SGCD: variants seen among roughly 807,000 people sequenced by gnomAD.
SGCD encodes the protein sarcoglycan delta, also known as delta-sarcoglycan.
Under a neutral mutation model 36.6 loss-of-function variants are expected in SGCD, and 18 were observed. That is an observed-to-expected ratio of 0.49 (90% CI 0.34 to 0.73). The LOEUF (loss-of-function observed/expected upper bound fraction) is 0.73. Among genes scored for constraint, SGCD ranks in the 30% least tolerant of loss-of-function variants. The probability of loss-of-function intolerance (pLI) is 0.01; values close to 1 mark genes in which losing one functional copy is unlikely to be tolerated. For synonymous variants in SGCD, 133 were observed against 130.6 expected (o/e 1.02, Z -0.12); for missense variants, 387 against 346.7 (o/e 1.12, Z -0.92).
chr5:156,479,526 G>A lies in SGCD; in HGVS notation c.193-29075G>A, dbSNP rs533003030. Among the ~76,000 whole-genome samples the A allele has an allele frequency of 1.1e-3, 172 of 152,230 alleles. 1 individual carries two copies. The highest frequency in any genetic ancestry group is 3.9e-3 in the African/African-American group (164 of 41,524). ...AAGCTCATGGGCCCAACCTCTGTAG[G>A]CATTTGAGTTTGGGACCCCTGTCTT... On this transcript the variant is annotated intron_variant, in intron 3 of 8. Transcript: ENST00000337851.
chr5:156,433,148 G>A (rs1032356426), intron 3 of SGCD, among the ~76,000 whole-genome samples: 2 of 152,148 alleles, frequency 1.3e-5, no homozygotes, highest in Admixed American at 6.5e-5. Context: ...TTTTTACATT[G>A]CAATCAGTTT....
chr5:156,310,695 A>G (rs1767370524), intron 3 of SGCD, among the ~76,000 whole-genome samples: 1 of 152,274 alleles, frequency 6.6e-6, no homozygotes, highest in Non-Finnish European at 1.5e-5. Flanking sequence ...ATCTTTCTCT[A>G]TTTATTTTTG....
At chr5:156,389,785 A>T (rs1771467976) in intron 3 of SGCD, among the ~76,000 whole-genome samples, 1 of 152,304 alleles carries the variant, frequency 6.6e-6, no homozygotes, top group Non-Finnish European at 1.5e-5. Flanking sequence ...CTGAATCCAG[A>T]TTTCATGTGA....
chr5:156,551,355 T>C (rs1296594145), intron 4 of SGCD, among the ~76,000 whole-genome samples: 1 of 151,916 alleles, frequency 6.6e-6, no homozygotes, highest in Non-Finnish European at 1.5e-5. Flanking sequence ...GTCTATCTCA[T>C]CACAACCCTT....
the SGCD span, among the ~76,000 whole-genome samples, chr5:155,804,579 C>T: frequency 6.6e-6 from 1 of 152,208 alleles, no homozygotes; most frequent in South Asian, 2.1e-4. Context: ...AGGATAGACT[C>T]AGGTTGTGCA....
intron 3 of SGCD, among the ~76,000 whole-genome samples, chr5:156,216,929 A>C (rs374480919): frequency 1.3e-5 from 2 of 152,230 alleles, no homozygotes; most frequent in East Asian, 3.9e-4. Flanking sequence ...AAATACAAAA[A>C]TTAGGCAAGC....
intron 1 of SGCD, among the ~76,000 whole-genome samples, chr5:156,038,221 A>T (rs1453838160): frequency 6.6e-6 from 1 of 152,150 alleles, no homozygotes. Flanking sequence ...CATTAGATAG[A>T]TCCTAAGGCA....
At chr5:155,767,463 G>A in the SGCD span, among the ~76,000 whole-genome samples, 4 of 152,150 alleles carry the variant, frequency 2.6e-5, no homozygotes, top group Non-Finnish European at 4.4e-5. Flanking sequence ...TCTGCTTACC[G>A]ATAATATGCT....
the SGCD span, among the ~76,000 whole-genome samples, chr5:155,817,747 TA>T: frequency 2.0e-5 from 3 of 152,220 alleles, no homozygotes; most frequent in East Asian, 1.9e-4. Context: ...TCTTAATACA[TA>T]AAAAAATAAG....
the SGCD span, among the ~76,000 whole-genome samples, chr5:155,734,297 C>A: frequency 6.6e-6 from 1 of 151,740 alleles, no homozygotes; most frequent in East Asian, 1.9e-4. Flanking sequence ...CATCCACCTC[C>A]TGGGTCAAAC....
chr5:156,516,949 G>A (rs1343037404), intron 4 of SGCD, among the ~76,000 whole-genome samples: 1 of 152,112 alleles, frequency 6.6e-6, no homozygotes, highest in African/African-American at 2.4e-5. Flanking sequence ...AGTCAGCCGA[G>A]CTCACACCAC....
chr5:156,371,653 A>G (rs1770393304), intron 3 of SGCD, among the ~76,000 whole-genome samples: 1 of 152,196 alleles, frequency 6.6e-6, no homozygotes, highest in Non-Finnish European at 1.5e-5. Context: ...CTTTAGAACC[A>G]CGTTTGTGAT....
At chr5:155,905,888 G>T (rs373304297) in intron 1 of SGCD, among the ~76,000 whole-genome samples, 6 of 152,238 alleles carry the variant, frequency 3.9e-5, no homozygotes, top group South Asian at 4.2e-4. Context: ...TAAATCCAAT[G>T]AAACCCTTTT....
intron 7 of SGCD, among the ~76,000 whole-genome samples, chr5:156,716,233 T>C (rs887021694): frequency 2.6e-5 from 4 of 152,202 alleles, no homozygotes; most frequent in African/African-American, 7.2e-5. Context: ...TAAGATCTGA[T>C]ATCCATGATG....
intron 1 of SGCD, among the ~76,000 whole-genome samples, chr5:156,088,666 A>G (rs1254436950): frequency 2.6e-5 from 4 of 152,052 alleles, no homozygotes; most frequent in Admixed American, 6.6e-5. Flanking sequence ...TACTCGGCTA[A>G]TTGTTTATTA....
intron 3 of SGCD, among the ~76,000 whole-genome samples, chr5:156,248,443 C>G (rs556931432): frequency 5.3e-5 from 8 of 151,996 alleles, no homozygotes; most frequent in Non-Finnish European, 8.8e-5. Flanking sequence ...CACTTGAACC[C>G]GGGAGGCAGA....
At chr5:156,691,817 C>G (rs1441888036) in intron 7 of SGCD, among the ~76,000 whole-genome samples, 1 of 152,172 alleles carries the variant, frequency 6.6e-6, no homozygotes, top group Non-Finnish European at 1.5e-5. Context: ...TCTGCATATG[C>G]TAGATTTGCT....
chr5:155,758,943 T>C, the SGCD span, among the ~76,000 whole-genome samples: 4 of 152,192 alleles, frequency 2.6e-5, no homozygotes, highest in Non-Finnish European at 5.9e-5. Flanking sequence ...ACCGTGATAT[T>C]TGATCATGAA....
intron 4 of SGCD, among the ~76,000 whole-genome samples, chr5:156,537,120 T>C (rs1010750920): frequency 4.6e-5 from 7 of 152,198 alleles, no homozygotes. Flanking sequence ...AGTGAAGCAT[T>C]CTGTTTGTGA....
Sources: gnomAD v4.1 joint callset for allele counts (sites outside exome capture counted in the v4.1 genomes callset) on GRCh38, gnomAD v4.1.1 for gene constraint, MANE v1.5 for transcripts, NCBI Gene and HGNC (gene_info 2026-07-23, HGNC 2026-07-21) for gene names.